Variants in PLCB4 observed in about 807,000 individuals in gnomAD.
PLCB4 encodes 1-phosphatidylinositol 4,5-bisphosphate phosphodiesterase beta-4.
Under a neutral mutation model 178.8 loss-of-function variants are expected in PLCB4, and 77 were observed. That is an observed-to-expected ratio of 0.43 (90% CI 0.36 to 0.52). The LOEUF (loss-of-function observed/expected upper bound fraction) is 0.52. PLCB4 is among the 20% of genes least tolerant of loss of function. The pLI is 0.00. For synonymous variants in PLCB4, 496 were observed against 490.8 expected (o/e 1.01, Z -0.14); for missense variants, 1,024 against 1,453.4 (o/e 0.70, Z 4.80).
At chr20:9,229,855 C>T (rs2093912944) in intron 3 of PLCB4, among the ~76,000 whole-genome samples, 1 of 152,104 alleles carries the variant, frequency 6.6e-6, no homozygotes, top group Non-Finnish European at 1.5e-5. Context: ...CTCCCTCCCC[C>T]TACTTCCTGC....
At chr20:9,476,597 G>A (rs1287119426) in intron 38 of PLCB4, 120 bp from the exon 39 acceptor site, 1 of 686,516 alleles carries the variant, frequency 1.5e-6, no homozygotes, top group African/African-American at 1.8e-5. Flanking sequence ...TTTATCCTTA[G>A]CTTTTTGCTT....
intron 4 of PLCB4, among the ~76,000 whole-genome samples, chr20:9,323,637 A>G (rs1182384764): frequency 6.6e-6 from 1 of 152,208 alleles, no homozygotes. Flanking sequence ...AGCCAGAGAC[A>G]CTATCTGTGG....
At chr20:9,186,129 C>G (rs1347963606) in intron 2 of PLCB4, among the ~76,000 whole-genome samples, 2 of 152,122 alleles carry the variant, frequency 1.3e-5, no homozygotes, top group Admixed American at 6.5e-5. Context: ...TAAATGAACG[C>G]CCATTCAAGG....
chr20:9,191,345 ATTTTTTTTTTTT>A (rs71184136), intron 2 of PLCB4, among the ~76,000 whole-genome samples: 7 of 58,842 alleles, frequency 1.2e-4, no homozygotes, highest in African/African-American at 3.0e-4. Flanking sequence ...CTAGATAGGC[ATTTTTTTTTTTT>A]TTTTTTTTTT....
intron 3 of PLCB4, among the ~76,000 whole-genome samples, chr20:9,233,438 A>G (rs924631534): frequency 9.2e-5 from 14 of 152,154 alleles, no homozygotes; most frequent in African/African-American, 1.4e-4. Context: ...TAGATAATAA[A>G]AAGAAGTAAA....
At chr20:9,337,255 C>T (rs1316295899) in intron 5 of PLCB4, 49 bp downstream of exon 5, 1 of 1,325,042 alleles carries the variant, frequency 7.5e-7, no homozygotes, top group Non-Finnish European at 1.1e-6. Context: ...TGGTTTAAGC[C>T]ATTTTGTTTC....
chr20:9,113,167 T>C (rs765590388), intron 2 of PLCB4, among the ~76,000 whole-genome samples: 1 of 152,180 alleles, frequency 6.6e-6, no homozygotes, highest in East Asian at 1.9e-4. Flanking sequence ...AGCTTGTTAA[T>C]TGAGTTTTTC....
chr20:9,316,035 C>G (rs1018053783), intron 4 of PLCB4, among the ~76,000 whole-genome samples: 4 of 152,050 alleles, frequency 2.6e-5, no homozygotes, highest in African/African-American at 9.7e-5. Context: ...CTGAGGCAAA[C>G]ATAGTCTTGG....
At chr20:9,474,859 A>T (rs1403106466) in intron 38 of PLCB4, among the ~76,000 whole-genome samples, 1 of 152,082 alleles carries the variant, frequency 6.6e-6, no homozygotes, top group African/African-American at 2.4e-5. Context: ...AAGCAAGTCC[A>T]CTCCAAGGGG....
chr20:9,315,786 A>G (rs1000931844), intron 4 of PLCB4, among the ~76,000 whole-genome samples: 1 of 152,090 alleles, frequency 6.6e-6, no homozygotes, highest in Admixed American at 6.5e-5. Context: ...TATAAAAATT[A>G]GCCAGGCATG....
intron 3 of PLCB4, among the ~76,000 whole-genome samples, chr20:9,286,601 C>T (rs1158960695): frequency 6.6e-6 from 1 of 151,994 alleles, no homozygotes; most frequent in Non-Finnish European, 1.5e-5. Flanking sequence ...TAGTACTCTG[C>T]AGAGAACTAA....
intron 2 of PLCB4, among the ~76,000 whole-genome samples, chr20:9,207,331 C>T (rs1413947420): frequency 6.6e-6 from 1 of 152,136 alleles, no homozygotes; most frequent in East Asian, 1.9e-4. Flanking sequence ...GGCAAGGGGC[C>T]CTAGTACATT....
Position 9,267,832 on chromosome 20 carries a change from A to G in PLCB4, c.-15-39968A>G, listed in dbSNP as rs2147597736. ...GATAGATTTATTTGTTCATGGATTA[A>G]TGGAGTAATGGGTTAGCATGGGAGT... On this transcript the variant is annotated intron_variant, in intron 3 of 39. Coordinates refer to ENST00000378473, the MANE Select transcript of PLCB4 (RefSeq NM_001377142.1). Among the ~76,000 whole-genome samples the G allele has an allele frequency of 2.0e-5, 3 of 152,242 alleles. 1 individual carries two copies.
intron 3 of PLCB4, among the ~76,000 whole-genome samples, chr20:9,238,788 G>A (rs1274167388): frequency 6.6e-6 from 1 of 152,132 alleles, no homozygotes; most frequent in African/African-American, 2.4e-5. Flanking sequence ...TAGCCAATTG[G>A]GCTGGACCTA....
rs6118534 is a variant in PLCB4 at position 9,223,353 on chromosome 20, A to C, written c.-16+5901A>C. On this transcript the variant is annotated intron_variant, in intron 3 of 39. Coordinates refer to ENST00000378473, the MANE Select transcript of PLCB4 (RefSeq NM_001377142.1). ...ATATACGTTGGGACCTATTCTGGTT[A>C]TTTATTGTTGTGTAAGAAGTCACTT... is the stretch of plus-strand genomic sequence containing the variant. Among the ~76,000 whole-genome samples the C allele has an allele frequency of 5.1e-3, 779 of 152,312 alleles. 7 individuals are homozygous for C. The highest frequency in any genetic ancestry group is 0.018 in the African/African-American group (746 of 41,570).
rs991497541 is a variant in PLCB4, at chr20:9,417,429, T to G, written c.2052-2378T>G. On this transcript the variant is annotated intron_variant, in intron 25 of 39. Coordinates refer to ENST00000378473, the MANE Select transcript of PLCB4 (RefSeq NM_001377142.1). ...TCTATATTTGCCTATTCTGAACATT[T>G]GATATAAATGAATTTATATAACATA... Among the ~76,000 whole-genome samples, 4 of 152,162 alleles carry G rather than the reference T, an allele frequency of 2.6e-5. No homozygotes were observed. The East Asian group carries it at 7.7e-4, about 29-fold the overall frequency.
intron 2 of PLCB4, among the ~76,000 whole-genome samples, chr20:9,203,718 A>G (rs1434095032): frequency 2.0e-5 from 3 of 150,670 alleles, no homozygotes; most frequent in African/African-American, 4.9e-5. Context: ...ATTCTCAAAG[A>G]TAGGTTTCTC....
intron 2 of PLCB4, among the ~76,000 whole-genome samples, chr20:9,132,794 C>T (rs1465135681): frequency 3.9e-5 from 6 of 152,176 alleles, no homozygotes; most frequent in Non-Finnish European, 8.8e-5. Context: ...TCCTCACTGC[C>T]TCTAGGGCAA....
At chr20:9,180,153 C>T (rs1476707482) in intron 2 of PLCB4, among the ~76,000 whole-genome samples, 1 of 152,140 alleles carries the variant, frequency 6.6e-6, no homozygotes, top group East Asian at 1.9e-4. Flanking sequence ...AAGTTCTGAA[C>T]AGGAGCATGT....
Sources: allele counts gnomAD v4.1 joint callset (sites outside exome capture counted in the v4.1 genomes callset), GRCh38; gene constraint gnomAD v4.1.1; transcripts MANE v1.5; gene names NCBI Gene and HGNC (gene_info 2026-07-23, HGNC 2026-07-21).